CSF1: variants seen among roughly 807,000 people sequenced by gnomAD.
CSF1 encodes macrophage colony-stimulating factor 1.
A neutral mutation model predicts 48.9 loss-of-function variants in CSF1; 9 were observed. That is an observed-to-expected ratio of 0.18 (90% CI 0.11 to 0.32). The LOEUF is 0.32. CSF1 is among the 10% of genes least tolerant of loss of function. The pLI is 1.00. For missense variants in CSF1, 672 were observed against 697.9 expected (o/e 0.96, Z 0.42); for synonymous variants, 305 against 284.1 (o/e 1.07, Z -0.74).
chr1:109,930,951 A>C lies in CSF1; in HGVS notation c.*2113A>C, dbSNP rs1648045003. On this transcript the variant is annotated 3_prime_UTR_variant, in exon 9 of 9. Coordinates refer to ENST00000329608, the MANE Select transcript of CSF1 (RefSeq NM_000757.6). The stretch of plus-strand genomic sequence containing the variant: ...TTAAATATCTATTTAAAAGATAGGA[A>C]GCTGCTTATATATTTAATAATAAAA... 6.6e-6 allele frequency: 1 copy of C among 152,224 alleles called. No individual in the cohort carries two copies. Among genetic ancestry groups the C allele is most frequent in the Non-Finnish European group, 1.5e-5 (1 of 68,048 alleles). The allele number at this position is 152,224 out of a possible 1,614,324, so 9.4% of individuals were successfully genotyped here. A position where few individuals can be genotyped will look rare whatever the true frequency, so the allele number is the denominator to read the frequency against.
intron 2 of CSF1, among the ~76,000 whole-genome samples, chr1:109,915,274 C>T (rs566142751): frequency 5.9e-4 from 90 of 152,356 alleles, no homozygotes; most frequent in African/African-American, 2.1e-3. Context: ...GTTCAATCCC[C>T]AGAGCTTGTC....
chr1:109,918,584 A>ACTTG (rs1033795978), intron 4 of CSF1, among the ~76,000 whole-genome samples: 38 of 152,262 alleles, frequency 2.5e-4, no homozygotes, highest in Non-Finnish European at 4.3e-4. Flanking sequence ...AATCAACAAG[A>ACTTG]CTTGGTACGT....
intron 4 of CSF1, among the ~76,000 whole-genome samples, chr1:109,919,958 A>G (rs942320182): frequency 2.0e-5 from 3 of 149,904 alleles, no homozygotes; most frequent in African/African-American, 7.3e-5. Context: ...AAATAAATAA[A>G]TAAATAAATA....
In CSF1 at chr1:109,923,286, C is replaced by A; in HGVS notation, c.665C>A (p.Thr222Asn). The A allele has an allele frequency of 6.2e-7, 1 of 1,612,550 alleles. No homozygotes were observed. The highest frequency in any genetic ancestry group is 1.1e-5 in the South Asian group (1 of 90,788). Residue 222 changes from threonine (T) to asparagine (N), a missense_variant, in exon 6 of 9, where the codon ACC becomes AAC. This residue lies in a region of CSF1 where 591 missense variants were observed against 593.6 expected (regional missense o/e 1.00). Coordinates refer to ENST00000329608, the MANE Select transcript of CSF1 (RefSeq NM_000757.6). ...APSMAPVAGLTWEDSEGTEGS... is the reference protein window; with the variant it reads ...APSMAPVAGLNWEDSEGTEGS... ...TCCATGGCCCCTGTGGCTGGCTTGACCTGGGAGGACTCTGAGGGAACTGAG... is the reference window on the plus strand; with the variant it reads ...TCCATGGCCCCTGTGGCTGGCTTGAACTGGGAGGACTCTGAGGGAACTGAG...
chr1:109,911,655 G>A (rs1654692429), intron 1 of CSF1, among the ~76,000 whole-genome samples: 1 of 152,046 alleles, frequency 6.6e-6, no homozygotes, highest in Non-Finnish European at 1.5e-5. Context: ...TGGGGTGGGG[G>A]ACGGCAACAG....
chr1:109,912,786 A>T (rs1654743283), intron 1 of CSF1, among the ~76,000 whole-genome samples: 1 of 152,040 alleles, frequency 6.6e-6, no homozygotes. Context: ...TCCTGAACCT[A>T]AGGTTTCTGA....
At chr1:109,922,822 G>A (rs531418965) in intron 5 of CSF1, among the ~76,000 whole-genome samples, 10 of 152,288 alleles carry the variant, frequency 6.6e-5, no homozygotes, top group South Asian at 6.2e-4. Flanking sequence ...GAAGGCAACC[G>A]TTCAGCCTCC....
chr1:109,923,944 G>C lies in CSF1; in HGVS notation c.1323G>C (p.Glu441Asp). 1 of 1,614,224 alleles carries C rather than the reference G, an allele frequency of 6.2e-7. No individual in the cohort carries two copies. Among genetic ancestry groups the C allele is most frequent in the Non-Finnish European group, 8.5e-7 (1 of 1,180,010 alleles). The change falls in exon 6 of 9, where the codon GAG becomes GAC. Residue 441 changes from glutamate (E) to aspartate (D), a missense_variant. By Grantham distance (45) the Glu-to-Asp change is conservative. This residue lies in a region of CSF1 where 591 missense variants were observed against 593.6 expected (regional missense o/e 1.00). Transcript: ENST00000329608. The part of the protein sequence containing the change: ...SGSVLPLGEL[E>D]GRRSTRDRRS... ...GCGTGCTGCCCCTTGGGGAGCTGGA[G>C]GGCAGGAGGAGCACCAGGGATCGGA...
intron 7 of CSF1, 138 bp downstream of exon 7, chr1:109,924,966 C>A: frequency 9.6e-7 from 1 of 1,040,238 alleles, no homozygotes; most frequent in Non-Finnish European, 1.5e-6. Context: ...AGAAGAAGGG[C>A]CTCTGTCCTT....
Position 109,921,866 on chromosome 1 carries a change from A to G in CSF1, c.416A>G (p.Tyr139Cys). 2.5e-6 allele frequency: 4 copies of G among 1,600,768 alleles called. No individual in the cohort carries two copies. Among genetic ancestry groups the G allele is most frequent in the South Asian group, 1.1e-5 (1 of 89,510 alleles). ...TTCCAGGCCTGCGTCCGAACTTTCT[A>G]TGAGACACCTCTCCAGTTGCTGGAG... The part of the protein sequence containing the change: ...EHDKACVRTF[Y>C]ETPLQLLEKV... Residue 139 changes from tyrosine (Y) to cysteine (C), a missense_variant, in exon 5 of 9, where the codon TAT (tyrosine) becomes TGT (cysteine). This residue lies in a region of CSF1 where 591 missense variants were observed against 593.6 expected (regional missense o/e 1.00). Coordinates refer to ENST00000329608, the MANE Select transcript of CSF1 (RefSeq NM_000757.6).
Position 109,917,281 on chromosome 1 carries a change from C to A in CSF1, c.226-12C>A. The A allele has an allele frequency of 6.2e-7, 1 of 1,612,204 alleles. No individual in the cohort carries two copies. The highest frequency in any genetic ancestry group is 8.5e-7 in the Non-Finnish European group (1 of 1,178,980). On this transcript the variant is annotated splice_polypyrimidine_tract_variant and intron_variant, in intron 3 of 8. Coordinates refer to ENST00000329608, the MANE Select transcript of CSF1 (RefSeq NM_000757.6). ...ATGGCCAGGCCATAAGCTCCAGGTT[C>A]CTGTTTTTCAGAAAGATCCAGTGTG... is the stretch of plus-strand genomic sequence containing the variant.
chr1:109,916,723 G>A (rs1193388402), intron 3 of CSF1, among the ~76,000 whole-genome samples: 1 of 152,150 alleles, frequency 6.6e-6, no homozygotes, highest in Admixed American at 6.5e-5. Flanking sequence ...AGTATTTTAT[G>A]CACTCACTCG....
intron 4 of CSF1, among the ~76,000 whole-genome samples, chr1:109,921,098 C>G (rs1326438526): frequency 6.6e-6 from 1 of 152,084 alleles, no homozygotes; most frequent in Non-Finnish European, 1.5e-5. Context: ...CACCACAGCT[C>G]AATGATTTTT....
In CSF1 at chr1:109,929,898, CA is replaced by C; in HGVS notation, c.*1061del. ...GCTGTGTTGTTCGCCCAGGTTTCTGCATCTTGCACTTTGACATTCCCAAGAG... is the reference window on the plus strand; with the variant it reads ...GCTGTGTTGTTCGCCCAGGTTTCTGCTCTTGCACTTTGACATTCCCAAGAG... On this transcript the variant is annotated 3_prime_UTR_variant, in exon 9 of 9. Transcript: ENST00000329608. 1 of 152,410 alleles carries C rather than the reference CA, an allele frequency of 6.6e-6. No homozygotes were observed. The highest frequency in any genetic ancestry group is 2.4e-5 in the African/African-American group (1 of 41,460). 9.4% of individuals were successfully genotyped at this position (152,410 alleles called of 1,614,324 possible).
intron 1 of CSF1, 23 bp downstream of exon 1, chr1:109,911,085 G>A: frequency 9.6e-7 from 1 of 1,045,516 alleles, no homozygotes. Context: ...CGCGGCGCTG[G>A]GCCCGGGACG....
rs770406825 is a variant in CSF1, at chr1:109,924,186, G to A, written c.1565G>A (p.Arg522Gln). 13 of 1,605,192 alleles carry A rather than the reference G, an allele frequency of 8.1e-6. No individual in the cohort carries two copies. The highest frequency in any genetic ancestry group is 4.5e-5 in the East Asian group (2 of 44,832). ...GGCCTCTTGTTCTACAGGTGGAGGC[G>A]GCGGGTGAGTAGATCCCCATGAGGA... ...VGGLLFYRWR[R>Q]RSHQEPQRAD... The change falls in exon 6 of 9, where the codon CGG becomes CAG. Residue 522 changes from arginine (R) to glutamine (Q), a missense_variant. Physicochemically the swap from Arg to Gln is conservative, Grantham distance 43. Coordinates refer to ENST00000329608, the MANE Select transcript of CSF1 (RefSeq NM_000757.6).
In CSF1 at chr1:109,917,516, AG is replaced by A; in HGVS notation, c.396+55del. 2.5e-6 allele frequency: 4 copies of A among 1,571,390 alleles called. No homozygotes were observed. The Admixed American group carries it at 5.1e-5, about 20-fold the overall frequency. On this transcript the variant is annotated intron_variant, in intron 4 of 8. Coordinates refer to ENST00000329608, the MANE Select transcript of CSF1 (RefSeq NM_000757.6). Reference sequence around the variant, plus strand: ...GAGTGAGGGCAGAGGGTGGCTGTGGAGGCGCCGCTCTATCCACAGGCACAGA... The same window carrying A: ...GAGTGAGGGCAGAGGGTGGCTGTGGAGCGCCGCTCTATCCACAGGCACAGA...
At chr1:109,915,402 G>C (rs1240545269) in intron 2 of CSF1, among the ~76,000 whole-genome samples, 3 of 152,110 alleles carry the variant, frequency 2.0e-5, no homozygotes, top group East Asian at 3.9e-4. Context: ...GTCAGATTTC[G>C]TGGGGTGGTA....
chr1:109,915,949 A>G (rs1000582076), intron 3 of CSF1, among the ~76,000 whole-genome samples: 1 of 152,198 alleles, frequency 6.6e-6, no homozygotes, highest in African/African-American at 2.4e-5. Flanking sequence ...TGACAGTACC[A>G]CTATGTGGTA....
Sources: allele counts gnomAD v4.1 joint callset (sites outside exome capture counted in the v4.1 genomes callset), GRCh38; gene constraint gnomAD v4.1.1; regional missense constraint gnomAD v4.1.1; transcripts MANE v1.5; gene names NCBI Gene and HGNC (gene_info 2026-07-23, HGNC 2026-07-21).